Variants in TBC1D9 observed in about 807,000 individuals in gnomAD.
TBC1D9 encodes the protein TBC1 domain family member 9, also known as TBC1 domain family member 9A.
Under a neutral mutation model 132.0 loss-of-function variants are expected in TBC1D9, and 63 were observed. The observed-to-expected ratio is 0.48, with a 90% confidence interval of 0.39 to 0.59. The LOEUF (loss-of-function observed/expected upper bound fraction) is 0.59. Ranked by LOEUF, TBC1D9 falls within the 20% of genes least tolerant of loss-of-function variation. TBC1D9 has a pLI of 0.00. For missense variants in TBC1D9, 1,261 were observed against 1,592.7 expected (o/e 0.79, Z 3.54); for synonymous variants, 610 against 609.9 (o/e 1.00, Z 0.00).
In TBC1D9 at chr4:140,679,619, C is replaced by A; in HGVS notation, c.585G>T (p.Arg195Ser). ...CTGAAATTTTAGATGACTTACCTTC[C>A]CTTCCCATAAGAAAAGAATAAAAGC... is the stretch of plus-strand genomic sequence containing the variant. ...HLCFYSFLMG[R>S]EAKLVIRWVD... is the part of the protein sequence containing the mutation. Residue 195 changes from arginine to serine, a missense_variant, in exon 4 of 21, where the codon AGG (arginine) becomes AGT (serine). Physicochemically the swap from Arg to Ser is moderately radical, Grantham distance 110. This residue lies in a region of TBC1D9 where 550 missense variants were observed against 699.0 expected (regional missense o/e 0.79). Coordinates refer to ENST00000442267, the MANE Select transcript of TBC1D9 (RefSeq NM_015130.3). The A allele has an allele frequency of 6.2e-7, 1 of 1,611,846 alleles. No individual in the cohort carries two copies. Among genetic ancestry groups the A allele is most frequent in the Non-Finnish European group, 8.5e-7 (1 of 1,178,426 alleles).
At chr4:140,744,192 A>G (rs1738803481) in intron 1 of TBC1D9, among the ~76,000 whole-genome samples, 1 of 152,012 alleles carries the variant, frequency 6.6e-6, no homozygotes, top group African/African-American at 2.4e-5. Context: ...TGTCAGCAGC[A>G]TTTTCCTATT....
At chr4:140,755,865 C>A in intron 1 of TBC1D9, 51 bp downstream of exon 1, 1 of 1,482,754 alleles carries the variant, frequency 6.7e-7, no homozygotes. Flanking sequence ...CCGCGGGCGG[C>A]GCCGCAGCGC....
At chr4:140,709,507 A>G (rs956866319) in intron 1 of TBC1D9, among the ~76,000 whole-genome samples, 4 of 151,998 alleles carry the variant, frequency 2.6e-5, no homozygotes, top group African/African-American at 9.7e-5. Context: ...AATACTAAAA[A>G]AAAAAAAGAC....
At chr4:140,717,719 G>A (rs1402438972) in intron 1 of TBC1D9, among the ~76,000 whole-genome samples, 4 of 152,176 alleles carry the variant, frequency 2.6e-5, no homozygotes, top group Non-Finnish European at 5.9e-5. Flanking sequence ...CAGCTCAGGT[G>A]CAGCGTGAAG....
intron 15 of TBC1D9, among the ~76,000 whole-genome samples, chr4:140,637,213 G>A (rs1288477364): frequency 1.3e-5 from 2 of 152,154 alleles, no homozygotes; most frequent in African/African-American, 4.8e-5. Flanking sequence ...AGCCAGGCAT[G>A]GTGGCAGGCA....
At chr4:140,713,906 T>A (rs1359733956) in intron 1 of TBC1D9, among the ~76,000 whole-genome samples, 1 of 152,226 alleles carries the variant, frequency 6.6e-6, no homozygotes, top group Non-Finnish European at 1.5e-5. Flanking sequence ...TTTAATACTA[T>A]AGGATCAATG....
At chr4:140,749,669 AC>A (rs1738891750) in intron 1 of TBC1D9, among the ~76,000 whole-genome samples, 1 of 152,216 alleles carries the variant, frequency 6.6e-6, no homozygotes, top group African/African-American at 2.4e-5. Context: ...TTTATAAAAA[AC>A]AATTAAATTA....
intron 1 of TBC1D9, among the ~76,000 whole-genome samples, chr4:140,743,386 C>T (rs999706497): frequency 2.6e-5 from 4 of 152,242 alleles, no homozygotes; most frequent in South Asian, 2.1e-4. Flanking sequence ...TTCTTCATAA[C>T]GGGTGCTAAA....
chr4:140,700,426 G>T (rs1738047568), intron 2 of TBC1D9, among the ~76,000 whole-genome samples: 1 of 151,514 alleles, frequency 6.6e-6, no homozygotes, highest in Non-Finnish European at 1.5e-5. Context: ...CTCTAGCCTG[G>T]GCAACAGAGC....
At chr4:140,749,966 A>T (rs912578883) in intron 1 of TBC1D9, among the ~76,000 whole-genome samples, 2 of 152,118 alleles carry the variant, frequency 1.3e-5, no homozygotes, top group African/African-American at 4.8e-5. Flanking sequence ...TAAACACTTG[A>T]AAATCAGTTA....
At chr4:140,716,297 G>A (rs547396536) in intron 1 of TBC1D9, among the ~76,000 whole-genome samples, 1 of 152,138 alleles carries the variant, frequency 6.6e-6, no homozygotes, top group South Asian at 2.1e-4. Context: ...GACCAGCAAG[G>A]GCAACACAGT....
intron 1 of TBC1D9, among the ~76,000 whole-genome samples, chr4:140,725,280 G>A (rs1738480926): frequency 1.3e-5 from 2 of 152,176 alleles, no homozygotes; most frequent in Non-Finnish European, 1.5e-5. Context: ...ATATACCATT[G>A]TACGGTAGAT....
intron 13 of TBC1D9, among the ~76,000 whole-genome samples, chr4:140,656,855 G>A (rs1463679089): frequency 6.6e-6 from 1 of 152,216 alleles, no homozygotes; most frequent in Non-Finnish European, 1.5e-5. Context: ...TCTTCTGCCA[G>A]TGAAGACATG....
At chr4:140,658,753 G>A (rs1037341429) in intron 11 of TBC1D9, among the ~76,000 whole-genome samples, 2 of 151,566 alleles carry the variant, frequency 1.3e-5, no homozygotes, top group African/African-American at 2.4e-5. Context: ...GGAGGTTGTA[G>A]TGAGCCAAAT....
chr4:140,725,777 T>A (rs1483903172), intron 1 of TBC1D9, among the ~76,000 whole-genome samples: 2 of 152,096 alleles, frequency 1.3e-5, no homozygotes, highest in Non-Finnish European at 2.9e-5. Context: ...AACCTTTTTG[T>A]ACAAAGGATT....
chr4:140,686,164 A>T (rs1483256817), intron 3 of TBC1D9, among the ~76,000 whole-genome samples, 180 bp downstream of exon 3: 1 of 152,208 alleles, frequency 6.6e-6, no homozygotes, highest in Non-Finnish European at 1.5e-5. Context: ...TAGAAAATAC[A>T]CACTGAAGTA....
At chr4:140,722,324 T>C (rs1738437594) in intron 1 of TBC1D9, among the ~76,000 whole-genome samples, 1 of 152,180 alleles carries the variant, frequency 6.6e-6, no homozygotes, top group Non-Finnish European at 1.5e-5. Flanking sequence ...CAACCAAGTG[T>C]GGTTGTTGAA....
intron 3 of TBC1D9, among the ~76,000 whole-genome samples, chr4:140,684,262 A>G (rs1049033348): frequency 2.0e-5 from 3 of 151,886 alleles, no homozygotes; most frequent in African/African-American, 7.2e-5. Flanking sequence ...AAAAGTTAAG[A>G]AAAGGGAGGT....
chr4:140,714,046 G>A (rs1560893898), intron 1 of TBC1D9, among the ~76,000 whole-genome samples: 1 of 152,180 alleles, frequency 6.6e-6, no homozygotes, highest in Non-Finnish European at 1.5e-5. Flanking sequence ...ATTAGCCTGG[G>A]GGGCTGAAGA....
Sources: gnomAD v4.1 joint callset for allele counts (sites outside exome capture counted in the v4.1 genomes callset) on GRCh38, gnomAD v4.1.1 for gene constraint, gnomAD v4.1.1 regional missense constraint, MANE v1.5 for transcripts, NCBI Gene and HGNC (gene_info 2026-07-23, HGNC 2026-07-21) for gene names.